GPR15LG: variants seen among roughly 807,000 people sequenced by gnomAD.
GPR15LG encodes the protein G protein-coupled receptor 15 ligand.
the GPR15LG span, among the ~76,000 whole-genome samples, chr10:84,174,111 G>T: frequency 3.3e-5 from 5 of 152,172 alleles, no homozygotes; most frequent in Non-Finnish European, 7.3e-5. Flanking sequence ...TGGCTTGGGG[G>T]TTCCATTCAC....
At chr10:84,175,525 A>G in the GPR15LG span, among the ~76,000 whole-genome samples, 39 of 152,178 alleles carry the variant, frequency 2.6e-4, no homozygotes, top group Non-Finnish European at 4.6e-4. Flanking sequence ...CCTTTTTTGA[A>G]GCAAGATCTT....
chr10:84,174,487 C>CT, the GPR15LG span, among the ~76,000 whole-genome samples: 3,320 of 107,880 alleles, frequency 0.031, 126 homozygotes, highest in Non-Finnish European at 0.038. Flanking sequence ...GCCCTTTTTT[C>CT]TTTTTTCTTT....
chr10:84,176,244 T>G, the GPR15LG span, among the ~76,000 whole-genome samples: 1 of 152,202 alleles, frequency 6.6e-6, no homozygotes, highest in Admixed American at 6.5e-5. Context: ...TCAAAGAAAC[T>G]ACTTATTGGA....
the GPR15LG span, chr10:84,173,832 T>C: frequency 6.3e-7 from 1 of 1,596,748 alleles, no homozygotes; most frequent in East Asian, 2.2e-5. Context: ...TCCCAGGACG[T>C]GAAAATCTGC....
the GPR15LG span, among the ~76,000 whole-genome samples, chr10:84,178,846 C>G: frequency 6.6e-6 from 1 of 152,182 alleles, no homozygotes; most frequent in Non-Finnish European, 1.5e-5. Context: ...CAACTTAGAA[C>G]AAGAAGAGCA....
the GPR15LG span, among the ~76,000 whole-genome samples, chr10:84,177,745 A>G: frequency 6.6e-6 from 1 of 152,238 alleles, no homozygotes; most frequent in African/African-American, 2.4e-5. Flanking sequence ...CAGCCCAGGC[A>G]GGATGCAGGG....
chr10:84,174,208 A>G, the GPR15LG span, among the ~76,000 whole-genome samples: 1 of 152,202 alleles, frequency 6.6e-6, no homozygotes, highest in Non-Finnish European at 1.5e-5. Flanking sequence ...CAGCTAGATT[A>G]CTGTGCTTAA....
the GPR15LG span, among the ~76,000 whole-genome samples, chr10:84,178,431 T>C: frequency 6.7e-6 from 1 of 150,224 alleles, no homozygotes; most frequent in Non-Finnish European, 1.5e-5. Context: ...CACACAACTA[T>C]ACACACAAAC....
chr10:84,183,291 A>C, the GPR15LG span, among the ~76,000 whole-genome samples: 1 of 152,150 alleles, frequency 6.6e-6, no homozygotes, highest in African/African-American at 2.4e-5. Context: ...CACAGCTACT[A>C]AGTAAGTGAT....
chr10:84,173,953 G>C, the GPR15LG span: 2 of 1,521,868 alleles, frequency 1.3e-6, no homozygotes, highest in Non-Finnish European at 1.8e-6. Flanking sequence ...AGATCCCTGA[G>C]CAGGATTTCA....
chr10:84,181,859 G>C, the GPR15LG span, among the ~76,000 whole-genome samples: 1 of 152,240 alleles, frequency 6.6e-6, no homozygotes, highest in African/African-American at 2.4e-5. Flanking sequence ...GGCCCCACCA[G>C]CCAGGAAGTA....
the GPR15LG span, chr10:84,184,638 C>A: frequency 6.2e-7 from 1 of 1,605,886 alleles, no homozygotes; most frequent in African/African-American, 1.3e-5. Context: ...ACCTCGCCAT[C>A]TTCCTGTCCT....
the GPR15LG span, among the ~76,000 whole-genome samples, chr10:84,177,152 A>G: frequency 6.6e-6 from 1 of 152,198 alleles, no homozygotes; most frequent in African/African-American, 2.4e-5. Context: ...TCCAGGCTGC[A>G]TGACCAGAAC....
chr10:84,174,000 G>A, the GPR15LG span: 1 of 1,155,692 alleles, frequency 8.7e-7, no homozygotes, highest in Non-Finnish European at 1.3e-6. Flanking sequence ...TTGTTGGAGG[G>A]CAGGCCTTGG....
At chr10:84,174,042 C>G in the GPR15LG span, 2 of 761,896 alleles carry the variant, frequency 2.6e-6, no homozygotes, top group Non-Finnish European at 4.6e-6. Flanking sequence ...TCCTGAGCCC[C>G]GGAAAGATGG....
chr10:84,175,269 T>C, the GPR15LG span, among the ~76,000 whole-genome samples: 8 of 152,174 alleles, frequency 5.3e-5, no homozygotes, highest in African/African-American at 1.9e-4. Context: ...ACACAGCCCG[T>C]GACATGCAAT....
chr10:84,176,391 T>C, the GPR15LG span: 1 of 920,510 alleles, frequency 1.1e-6, no homozygotes, highest in African/African-American at 1.6e-5. Flanking sequence ...TCTGGATAAA[T>C]ATTCCTGAGC....
At chr10:84,176,675 T>C in the GPR15LG span, 1 of 734,046 alleles carries the variant, frequency 1.4e-6, no homozygotes. Flanking sequence ...CATCAGGCTC[T>C]GGCTGGGAGG....
At chr10:84,174,220 T>C in the GPR15LG span, among the ~76,000 whole-genome samples, 3 of 152,202 alleles carry the variant, frequency 2.0e-5, no homozygotes, top group African/African-American at 7.2e-5. Flanking sequence ...TGTGCTTAAG[T>C]CCTACCTATC....
Sources: gnomAD v4.1 joint callset for allele counts (sites outside exome capture counted in the v4.1 genomes callset) on GRCh38, gnomAD v4.1.1 for gene constraint, MANE v1.5 for transcripts, NCBI Gene and HGNC (gene_info 2026-07-23, HGNC 2026-07-21) for gene names.